KAT6A: variants seen among roughly 807,000 people sequenced by gnomAD.
KAT6A encodes histone acetyltransferase KAT6A.
Under a neutral mutation model 198.4 loss-of-function variants are expected in KAT6A, and 9 were observed. That is an observed-to-expected ratio of 0.05 (90% CI 0.03 to 0.08). The LOEUF is 0.08. Among genes scored for constraint, KAT6A ranks in the 10% least tolerant of loss-of-function variants. The pLI is 1.00. For missense variants in KAT6A, 2,077 were observed against 2,509.9 expected (o/e 0.83, Z 3.69); for synonymous variants, 890 against 883.0 (o/e 1.01, Z -0.14).
chr8:41,941,020 C>G lies in KAT6A; in HGVS notation c.2861G>C (p.Ser954Thr). The G allele has an allele frequency of 6.2e-7, 1 of 1,614,138 alleles. No individual in the cohort carries two copies. Residue 954 changes from serine (S) to threonine (T), a missense_variant, in exon 15 of 17, where the codon AGC becomes ACC. By Grantham distance (58) the Ser-to-Thr change is moderately conservative. Around this residue, in one of 13 missense-constraint regions of KAT6A, gnomAD observed 301 missense variants for 272.2 expected, o/e 1.11. Coordinates refer to ENST00000265713, the MANE Select transcript of KAT6A (RefSeq NM_006766.5). The part of the protein sequence containing the change: ...VEPWRGQLKK[S>T]PEALKCRLTE... ...TAATCTGCACTTCAGAGCCTCAGGG[C>G]TTTTCTTGAGCTGTCCTCGCCAGGG...
chr8:41,993,302 C>T (rs541468815), intron 2 of KAT6A, among the ~76,000 whole-genome samples: 12 of 152,224 alleles, frequency 7.9e-5, no homozygotes, highest in African/African-American at 2.6e-4. Flanking sequence ...AGTCTTAGAC[C>T]GTGCTTACTC....
At chr8:42,022,267 T>C (rs997760631) in intron 2 of KAT6A, among the ~76,000 whole-genome samples, 14 of 152,074 alleles carry the variant, frequency 9.2e-5, no homozygotes, top group Admixed American at 2.0e-4. Context: ...TGTAAAATAC[T>C]GTACGTAAAA....
At chr8:42,049,637 C>T (rs1470846185) in intron 1 of KAT6A, 1 of 152,390 alleles carries the variant, frequency 6.6e-6, no homozygotes, top group East Asian at 1.9e-4. Flanking sequence ...GGAATTTCAA[C>T]TCTTCCTTGA....
intron 12 of KAT6A, among the ~76,000 whole-genome samples, 192 bp from the exon 13 acceptor site, chr8:41,944,171 T>C (rs1822270843): frequency 6.6e-6 from 1 of 152,054 alleles, no homozygotes; most frequent in Admixed American, 6.6e-5. Flanking sequence ...ATAATTTATA[T>C]ATATTGAAGA....
At chr8:42,045,107 C>G (rs1337905309) in intron 2 of KAT6A, among the ~76,000 whole-genome samples, 2 of 152,148 alleles carry the variant, frequency 1.3e-5, no homozygotes, top group African/African-American at 4.8e-5. Flanking sequence ...ACAGGAAATT[C>G]ACTACTGAAA....
At chr8:41,949,830 G>A (rs549044607) in intron 9 of KAT6A, among the ~76,000 whole-genome samples, 2 of 152,194 alleles carry the variant, frequency 1.3e-5, no homozygotes, top group African/African-American at 2.4e-5. Context: ...TAAGGATTTC[G>A]TGCTCAAATA....
chr8:41,955,196 A>C, intron 9 of KAT6A, 100 bp downstream of exon 9: 1 of 747,662 alleles, frequency 1.3e-6, no homozygotes, highest in Non-Finnish European at 2.3e-6. Flanking sequence ...GTTTCCTCAA[A>C]TGTAAAGGAT....
intron 8 of KAT6A, among the ~76,000 whole-genome samples, chr8:41,960,468 C>G (rs901152060): frequency 7.3e-6 from 1 of 136,116 alleles, no homozygotes; most frequent in East Asian, 2.3e-4. Context: ...GATGACGCCG[C>G]TGTACTCCAG....
intron 8 of KAT6A, among the ~76,000 whole-genome samples, chr8:41,963,780 C>T (rs971276950): frequency 6.6e-6 from 1 of 152,118 alleles, no homozygotes; most frequent in Non-Finnish European, 1.5e-5. Flanking sequence ...AGCTACTTTA[C>T]CTGCAAGATT....
Position 42,049,093 on chromosome 8 carries a change from G to C in KAT6A, c.-116C>G, listed in dbSNP as rs575010349. On this transcript the variant is annotated 5_prime_UTR_variant, in exon 2 of 17. Transcript: ENST00000265713. ...TGGGAACCAGTTAACCATAGCATATGAGTTTTCTGGCCTAAGTCCTTCCTC... is the reference window on the plus strand; with the variant it reads ...TGGGAACCAGTTAACCATAGCATATCAGTTTTCTGGCCTAAGTCCTTCCTC... 9.3e-5 allele frequency: 103 copies of C among 1,103,324 alleles called. No individual in the cohort carries two copies. The highest frequency in any genetic ancestry group is 1.3e-4 in the Non-Finnish European group (101 of 772,838). The allele number at this position is 1,103,324 out of a possible 1,614,324, so 68.3% of individuals were successfully genotyped here. A position where few individuals can be genotyped will look rare whatever the true frequency, so the allele number is the denominator to read the frequency against.
At chr8:41,967,285 T>TTATTTATG (rs1554686666) in intron 8 of KAT6A, among the ~76,000 whole-genome samples, 1 of 149,776 alleles carries the variant, frequency 6.7e-6, no homozygotes, top group Admixed American at 6.6e-5. Context: ...ATTTATTTAT[T>TTATTTATG]TATTTATTTA....
intron 3 of KAT6A, among the ~76,000 whole-genome samples, chr8:41,984,075 A>G (rs377173922): frequency 6.6e-6 from 1 of 152,154 alleles, no homozygotes; most frequent in East Asian, 1.9e-4. Context: ...TTACTTTTTA[A>G]TTTAGAAAAT....
Position 41,930,313 on chromosome 8 carries a change from C to G in KAT6A, c.*1892G>C, listed in dbSNP as rs1183839969. On this transcript the variant is annotated 3_prime_UTR_variant, in exon 17 of 17. Transcript: ENST00000265713. ...AGCTGAAGATGTAGGGCGATGGCAG[C>G]ACAGTGCACTTTCTACATAGATGAC... The G allele has an allele frequency of 4.7e-6, 1 of 214,340 alleles. No individual in the cohort carries two copies. The highest frequency in any genetic ancestry group is 6.1e-5 in the Admixed American group (1 of 16,334). 13.3% of individuals were successfully genotyped at this position (214,340 alleles called of 1,614,324 possible).
At chr8:41,957,613 C>A in intron 8 of KAT6A, 1 of 220,126 alleles carries the variant, frequency 4.5e-6, no homozygotes. Flanking sequence ...TTAAATATGC[C>A]AAATTATTTA....
At chr8:42,003,445 C>CTTTTTTT (rs35594171) in intron 2 of KAT6A, among the ~76,000 whole-genome samples, 5 of 142,870 alleles carry the variant, frequency 3.5e-5, no homozygotes, top group Non-Finnish European at 3.1e-5. Flanking sequence ...ATTCAAACCT[C>CTTTTTTT]TTTTTTTTTT....
chr8:42,036,620 A>C (rs2150924903), intron 2 of KAT6A, among the ~76,000 whole-genome samples: 1 of 152,254 alleles, frequency 6.6e-6, no homozygotes, highest in African/African-American at 2.4e-5. Context: ...CTCAAAAAAA[A>C]AAGGAGAAGG....
chr8:41,976,622 C>A (rs1053219589), intron 7 of KAT6A, among the ~76,000 whole-genome samples: 1 of 152,174 alleles, frequency 6.6e-6, no homozygotes, highest in African/African-American at 2.4e-5. Flanking sequence ...GCATTTCACC[C>A]AGTTCTATTC....
At chr8:42,018,251 T>A (rs1217927189) in intron 2 of KAT6A, among the ~76,000 whole-genome samples, 2 of 152,162 alleles carry the variant, frequency 1.3e-5, no homozygotes, top group Non-Finnish European at 2.9e-5. Context: ...ATAAAAATTA[T>A]TAGGCCAGGC....
intron 16 of KAT6A, among the ~76,000 whole-genome samples, chr8:41,936,501 G>C (rs1016328573): frequency 1.3e-5 from 2 of 152,204 alleles, no homozygotes; most frequent in African/African-American, 4.8e-5. Flanking sequence ...TAAACACACT[G>C]CAGATGCAGG....
Sources: allele counts gnomAD v4.1 joint callset (sites outside exome capture counted in the v4.1 genomes callset), GRCh38; gene constraint gnomAD v4.1.1; regional missense constraint gnomAD v4.1.1; transcripts MANE v1.5; gene names NCBI Gene and HGNC (gene_info 2026-07-23, HGNC 2026-07-21).